The following MARCHF8 variants were observed in gnomAD, a reference collection of about 807,000 sequenced individuals.
MARCHF8 encodes the protein E3 ubiquitin-protein ligase MARCHF8.
In MARCHF8, 40 loss-of-function variants were observed where a neutral mutation model predicts 51.6. The ratio of observed to expected loss-of-function variants is 0.77; its 90% CI spans 0.60 to 1.01. The LOEUF is 1.01. MARCHF8 is among the 50% of genes least tolerant of loss of function. MARCHF8 has a pLI of 0.00. For missense variants in MARCHF8, 685 were observed against 708.6 expected (o/e 0.97, Z 0.38); for synonymous variants, 263 against 280.3 (o/e 0.94, Z 0.62).
chr10:45,470,527 T>G (rs1006628347), intron 3 of MARCHF8, among the ~76,000 whole-genome samples: 7 of 152,230 alleles, frequency 4.6e-5, no homozygotes, highest in African/African-American at 1.7e-4. Context: ...TAATCTCCCT[T>G]ATTTTAAGGT....
rs369173512 is a variant in MARCHF8, at chr10:45,464,292, C to T, written c.189G>A (p.Pro63=). The change falls in exon 4 of 8, where the codon CCG becomes CCA. Residue 63 remains proline, a synonymous_variant. Transcript: ENST00000453424. ...TAGAAGTGCGAGAGAAGGAGGACAC[C>T]GGAGCCGGAGCTGATGCTGACGGAG... is the stretch of plus-strand genomic sequence containing the variant. ...GSPPSASAPA[P]VSSFSRTSIT... 4 of 1,614,010 alleles carry T rather than the reference C, an allele frequency of 2.5e-6. No individual in the cohort carries two copies. Among genetic ancestry groups the T allele is most frequent in the Admixed American group, 1.7e-5 (1 of 60,002 alleles).
At chr10:45,540,276 C>T (rs928891524), upstream of MARCHF8, among the ~76,000 whole-genome samples, 1 of 152,312 alleles carries the variant, frequency 6.6e-6, no homozygotes, top group Middle Eastern at 3.4e-3. Context: ...AAGCTGGAGG[C>T]ATCACACTAC....
At chr10:45,588,164 TAAA>T (rs199851448) in intron 1 of MARCHF8, among the ~76,000 whole-genome samples, 2 of 131,744 alleles carry the variant, frequency 1.5e-5, no homozygotes, top group African/African-American at 2.8e-5. Flanking sequence ...TTGTCAAAAG[TAAA>T]AAAAAAAAAA....
At chr10:45,462,597 G>A (rs1842823101) in intron 5 of MARCHF8, among the ~76,000 whole-genome samples, 1 of 151,588 alleles carries the variant, frequency 6.6e-6, no homozygotes, top group Admixed American at 6.6e-5. Flanking sequence ...CCTTTAATAT[G>A]TGTAGCTTCT....
intron 1 of MARCHF8, among the ~76,000 whole-genome samples, chr10:45,570,570 C>T (rs1183547801): frequency 1.3e-5 from 2 of 152,054 alleles, no homozygotes; most frequent in Non-Finnish European, 2.9e-5. Flanking sequence ...TGATAGAAAT[C>T]GCAGCAAGTC....
At chr10:45,525,968 G>C (rs1056908095) in intron 2 of MARCHF8, among the ~76,000 whole-genome samples, 1 of 152,046 alleles carries the variant, frequency 6.6e-6, no homozygotes, top group South Asian at 2.1e-4. Context: ...ATGAGATCCT[G>C]GAACACAAAA....
intron 2 of MARCHF8, among the ~76,000 whole-genome samples, chr10:45,511,407 G>A (rs1040612307): frequency 2.6e-5 from 4 of 151,554 alleles, no homozygotes; most frequent in South Asian, 2.1e-4. Context: ...CTCTCCCCAC[G>A]GCCCACGGTC....
intron 1 of MARCHF8, among the ~76,000 whole-genome samples, chr10:45,568,463 G>T (rs12776336): frequency 6.6e-6 from 1 of 152,052 alleles, no homozygotes; most frequent in East Asian, 1.9e-4. Flanking sequence ...GCTCACACCC[G>T]TAATCTCAGC....
intron 3 of MARCHF8, among the ~76,000 whole-genome samples, chr10:45,487,572 A>G (rs368997193): frequency 2.0e-5 from 3 of 152,232 alleles, no homozygotes; most frequent in African/African-American, 7.2e-5. Flanking sequence ...TTACCACTGC[A>G]TAGTTCTAGC....
intron 1 of MARCHF8, among the ~76,000 whole-genome samples, chr10:45,572,690 C>T (rs2044444646): frequency 6.6e-6 from 1 of 151,870 alleles, no homozygotes; most frequent in Admixed American, 6.6e-5. Flanking sequence ...TCTTTCCCTC[C>T]CGCCTGTCCC....
intron 3 of MARCHF8, among the ~76,000 whole-genome samples, chr10:45,477,863 C>CTA (rs1345745765): frequency 6.6e-6 from 1 of 152,126 alleles, no homozygotes; most frequent in African/African-American, 2.4e-5. Context: ...CATCAAGAGG[C>CTA]TATAACACTT....
At chr10:45,567,141 TAG>T (rs1375758984) in intron 1 of MARCHF8, among the ~76,000 whole-genome samples, 1 of 152,216 alleles carries the variant, frequency 6.6e-6, no homozygotes, top group Admixed American at 6.5e-5. Context: ...TTTTTTCCTA[TAG>T]AGTTAGTAGA....
At chr10:45,561,900 C>CA (rs34329041) in intron 1 of MARCHF8, among the ~76,000 whole-genome samples, 742 of 40,656 alleles carry the variant, frequency 0.018, 18 homozygotes, top group African/African-American at 0.029. Context: ...GACTCCGTCT[C>CA]AAAAAAAAAA....
chr10:45,559,393 A>C (rs916660915), intron 1 of MARCHF8, among the ~76,000 whole-genome samples: 9 of 152,090 alleles, frequency 5.9e-5, no homozygotes, highest in African/African-American at 2.2e-4. Flanking sequence ...ACGGAGTCTC[A>C]CTCTGTTGCC....
chr10:45,461,285 G>A lies in MARCHF8; in HGVS notation c.1215C>T (p.Cys405=), dbSNP rs755546585. Residue 405 remains cysteine, a synonymous_variant, in exon 6 of 8, where the codon TGC becomes TGT. Coordinates refer to ENST00000453424, the MANE Select transcript of MARCHF8 (RefSeq NM_001282866.2). ...TGATGAACTCATACTTGCAGAGCTC[G>A]CAGCAGCGCGTGTCGGAGCTCTTGA... The part of the protein sequence containing the change: ...QWIKSSDTRC[C]ELCKYEFIME... 19 of 1,597,756 alleles carry A rather than the reference G, an allele frequency of 1.2e-5. No homozygotes were observed. The highest frequency in any genetic ancestry group is 5.6e-5 in the South Asian group (5 of 89,072).
intron 1 of MARCHF8, among the ~76,000 whole-genome samples, chr10:45,565,967 T>C (rs528714027): frequency 1.3e-5 from 2 of 152,342 alleles, no homozygotes; most frequent in Non-Finnish European, 2.9e-5. Context: ...GAGTGAAGCT[T>C]ATCTAATACA....
At chr10:45,541,852 C>G (rs542203698) in intron 1 of MARCHF8, among the ~76,000 whole-genome samples, 1 of 152,096 alleles carries the variant, frequency 6.6e-6, no homozygotes, top group Non-Finnish European at 1.5e-5. Context: ...AAGATACATG[C>G]GGCTGCCTAT....
At chr10:45,489,288 A>T in intron 3 of MARCHF8, 79 bp downstream of exon 3, 1 of 1,125,340 alleles carries the variant, frequency 8.9e-7, no homozygotes, top group Non-Finnish European at 1.3e-6. Context: ...AAAAAAAAAA[A>T]AAAGAGTATA....
At chr10:45,500,893 T>C (rs892023454) in intron 2 of MARCHF8, among the ~76,000 whole-genome samples, 3 of 151,682 alleles carry the variant, frequency 2.0e-5, no homozygotes, top group African/African-American at 7.3e-5. Context: ...ATAACACACA[T>C]ATAGCAATGA....
Sources: allele counts gnomAD v4.1 joint callset (sites outside exome capture counted in the v4.1 genomes callset), GRCh38; gene constraint gnomAD v4.1.1; transcripts MANE v1.5; gene names NCBI Gene and HGNC (gene_info 2026-07-23, HGNC 2026-07-21).